Variants in CALD1 observed in about 807,000 individuals in gnomAD.
The protein encoded by CALD1 is caldesmon 1.
Under a neutral mutation model 99.9 loss-of-function variants are expected in CALD1, and 33 were observed. That is an observed-to-expected ratio of 0.33 (90% CI 0.25 to 0.44). CALD1 has a LOEUF of 0.44. Ranked by LOEUF, CALD1 falls within the 20% of genes least tolerant of loss-of-function variation. The pLI is 1.00. For synonymous variants in CALD1, 310 were observed against 325.0 expected (o/e 0.95, Z 0.50); for missense variants, 861 against 962.1 (o/e 0.89, Z 1.39).
chr7:134,925,662 C>T (rs578092974), intron 3 of CALD1, among the ~76,000 whole-genome samples: 10 of 152,108 alleles, frequency 6.6e-5, no homozygotes, highest in African/African-American at 1.9e-4. Context: ...CTCACTGTCA[C>T]GAGCACAGCA....
chr7:134,758,451 G>A (rs1337452899), intron 1 of CALD1, among the ~76,000 whole-genome samples: 1 of 151,864 alleles, frequency 6.6e-6, no homozygotes, highest in Non-Finnish European at 1.5e-5. Flanking sequence ...TGGGATATAA[G>A]CATGTGAAGT....
chr7:134,880,343 C>A (rs575959206), intron 3 of CALD1, among the ~76,000 whole-genome samples: 43 of 152,262 alleles, frequency 2.8e-4, no homozygotes, highest in Non-Finnish European at 5.0e-4. Flanking sequence ...ATTTTTTATT[C>A]CCACAGAAAA....
the CALD1 span, among the ~76,000 whole-genome samples, chr7:134,714,497 TG>T: frequency 6.6e-6 from 1 of 152,144 alleles, no homozygotes. Context: ...CACTCCTGTC[TG>T]CCTCTCTGCA....
chr7:134,926,641 G>C (rs79947576), intron 3 of CALD1, among the ~76,000 whole-genome samples: 2,269 of 152,236 alleles, frequency 0.015, 45 homozygotes, highest in African/African-American at 0.052. Flanking sequence ...ATGAAATAAA[G>C]TACTGACTCT....
chr7:134,808,935 G>C (rs529598088), intron 1 of CALD1, among the ~76,000 whole-genome samples: 1 of 152,274 alleles, frequency 6.6e-6, no homozygotes, highest in African/African-American at 2.4e-5. Flanking sequence ...CCAACTCTTA[G>C]GTGATGAGGG....
intron 3 of CALD1, among the ~76,000 whole-genome samples, chr7:134,905,709 C>A (rs1803319137): frequency 1.3e-5 from 2 of 151,988 alleles, no homozygotes; most frequent in Non-Finnish European, 2.9e-5. Flanking sequence ...ACTTTGAGTT[C>A]TATAACTCTT....
At chr7:134,934,823 A>G (rs531353450) in intron 5 of CALD1, among the ~76,000 whole-genome samples, 8 of 152,184 alleles carry the variant, frequency 5.3e-5, no homozygotes, top group African/African-American at 1.9e-4. Flanking sequence ...AGAGGTTGCA[A>G]TGAGCTGAGA....
At chr7:134,936,762 A>G (rs888714081) in intron 6 of CALD1, among the ~76,000 whole-genome samples, 1 of 152,240 alleles carries the variant, frequency 6.6e-6, no homozygotes, top group African/African-American at 2.4e-5. Context: ...CATGTTACAT[A>G]TTACATTTCT....
chr7:134,949,050 A>G (rs148379138), intron 8 of CALD1, among the ~76,000 whole-genome samples: 3 of 152,270 alleles, frequency 2.0e-5, no homozygotes, highest in Non-Finnish European at 4.4e-5. Flanking sequence ...CTGTGAAATA[A>G]TATCTACTTT....
intron 3 of CALD1, among the ~76,000 whole-genome samples, chr7:134,873,604 A>G (rs1801208141): frequency 6.6e-6 from 1 of 152,244 alleles, no homozygotes; most frequent in Admixed American, 6.5e-5. Context: ...TTTGCTCTAT[A>G]TGAATGAGGC....
At chr7:134,947,457 A>C (rs1288399025) in intron 7 of CALD1, 51 bp from the exon 8 acceptor site, 1 of 1,521,478 alleles carries the variant, frequency 6.6e-7, no homozygotes, top group South Asian at 1.2e-5. Flanking sequence ...TCCTCCAGGG[A>C]GACTACAGGC....
chr7:134,946,065 C>T (rs1049813897), intron 7 of CALD1, among the ~76,000 whole-genome samples: 6 of 152,040 alleles, frequency 3.9e-5, no homozygotes, highest in Non-Finnish European at 7.4e-5. Context: ...CAGTAACTTA[C>T]GGGAAAGGAC....
At chr7:134,716,353 C>T in the CALD1 span, among the ~76,000 whole-genome samples, 1 of 152,164 alleles carries the variant, frequency 6.6e-6, no homozygotes, top group Non-Finnish European at 1.5e-5. Flanking sequence ...AATTATCACC[C>T]AGTGTGTTTA....
At chr7:134,848,404 G>A (rs1799941865) in intron 2 of CALD1, among the ~76,000 whole-genome samples, 1 of 152,156 alleles carries the variant, frequency 6.6e-6, no homozygotes, top group Admixed American at 6.5e-5. Context: ...TCAGGATGCT[G>A]GCTGTTTTAC....
chr7:134,803,994 C>A (rs150686821), intron 1 of CALD1, among the ~76,000 whole-genome samples: 14 of 152,326 alleles, frequency 9.2e-5, no homozygotes, highest in African/African-American at 3.4e-4. Flanking sequence ...CCACACCCAG[C>A]CAGGCATGGT....
chr7:134,772,906 T>C (rs537577119), intron 1 of CALD1, among the ~76,000 whole-genome samples: 13 of 152,360 alleles, frequency 8.5e-5, no homozygotes, highest in African/African-American at 3.1e-4. Flanking sequence ...ATTATGGGAC[T>C]CTTTCACCTC....
intron 2 of CALD1, among the ~76,000 whole-genome samples, chr7:134,863,853 C>CAAAGAAAG (rs1171651245): frequency 2.0e-5 from 3 of 151,464 alleles, no homozygotes; most frequent in Non-Finnish European, 4.4e-5. Flanking sequence ...AAAAAAGTCA[C>CAAAGAAAG]AAAGAAAGAG....
chr7:134,887,048 C>A (rs1801888270), intron 3 of CALD1, among the ~76,000 whole-genome samples: 1 of 152,178 alleles, frequency 6.6e-6, no homozygotes, highest in Non-Finnish European at 1.5e-5. Flanking sequence ...GTGTCACAAC[C>A]CAAGCCCCTA....
intron 2 of CALD1, 23 bp downstream of exon 2, chr7:134,843,994 T>C (rs1008760327): frequency 4.6e-5 from 7 of 152,228 alleles, no homozygotes; most frequent in African/African-American, 1.7e-4. Flanking sequence ...TATGTTTTAT[T>C]AATACTTTGG....
Sources: allele counts gnomAD v4.1 joint callset (sites outside exome capture counted in the v4.1 genomes callset), GRCh38; gene constraint gnomAD v4.1.1; transcripts MANE v1.5; gene names NCBI Gene and HGNC (gene_info 2026-07-23, HGNC 2026-07-21).